MED13L: variants seen among roughly 807,000 people sequenced by gnomAD.
MED13L encodes the protein mediator of RNA polymerase II transcription subunit 13-like.
A neutral mutation model predicts 220.9 loss-of-function variants in MED13L; 7 were observed. That is an observed-to-expected ratio of 0.03 (90% CI 0.02 to 0.06). MED13L has a LOEUF of 0.06. MED13L is among the 10% of genes least tolerant of loss of function. The pLI, the probability that MED13L is intolerant of heterozygous loss-of-function variation, is 1.00. For missense variants in MED13L, 1,965 were observed against 2,760.5 expected, an observed-to-expected ratio of 0.71 and a Z score of 6.46; for synonymous variants, 1,011 against 1,015.2, an observed-to-expected ratio of 1.00 and a Z score of 0.08.
At chr12:116,231,690 A>G (rs1347178100) in intron 2 of MED13L, among the ~76,000 whole-genome samples, 2 of 152,300 alleles carry the variant, frequency 1.3e-5, no homozygotes, top group Non-Finnish European at 2.9e-5. Context: ...GAGCATGCCA[A>G]AAGTGCTCTG....
At chr12:116,087,629 G>A (rs888911460) in intron 4 of MED13L, among the ~76,000 whole-genome samples, 15 of 151,948 alleles carry the variant, frequency 9.9e-5, no homozygotes, top group East Asian at 5.8e-4. Flanking sequence ...TCCCTCAATC[G>A]CCTCCATTCC....
intron 2 of MED13L, among the ~76,000 whole-genome samples, chr12:116,232,735 T>C (rs958546654): frequency 6.6e-6 from 1 of 152,198 alleles, no homozygotes; most frequent in Non-Finnish European, 1.5e-5. Context: ...CCAGATTGCA[T>C]GTCTTTCCCA....
At chr12:116,091,573 T>C (rs1251902725) in intron 4 of MED13L, among the ~76,000 whole-genome samples, 1 of 152,240 alleles carries the variant, frequency 6.6e-6, no homozygotes, top group Non-Finnish European at 1.5e-5. Context: ...TATTAAGTGT[T>C]TGTCTGCTCC....
At chr12:116,173,039 A>G (rs1879794806) in intron 2 of MED13L, among the ~76,000 whole-genome samples, 1 of 151,920 alleles carries the variant, frequency 6.6e-6, no homozygotes, top group South Asian at 2.1e-4. Flanking sequence ...ACTGTGAAAT[A>G]ACAGATCAGA....
At chr12:116,136,344 C>A (rs957721548) in intron 2 of MED13L, among the ~76,000 whole-genome samples, 18 of 152,128 alleles carry the variant, frequency 1.2e-4, no homozygotes, top group African/African-American at 3.6e-4. Context: ...AAAATTAATG[C>A]TTATTTGTGC....
At chr12:116,247,691 A>G (rs1355026247) in intron 1 of MED13L, among the ~76,000 whole-genome samples, 1 of 152,074 alleles carries the variant, frequency 6.6e-6, no homozygotes, top group African/African-American at 2.4e-5. Context: ...ATGCTAACGT[A>G]TATATATATA....
chr12:116,243,689 G>A (rs913402819), intron 1 of MED13L, among the ~76,000 whole-genome samples: 4 of 151,908 alleles, frequency 2.6e-5, no homozygotes, highest in Admixed American at 2.6e-4. Flanking sequence ...CAGTGGTCAA[G>A]GAACACAGTA....
Position 116,277,171 on chromosome 12 carries a change from G to C in MED13L, c.-40C>G. ...CCGGCCGCCAGAGCGGGGCATGTCG[G>C]AGCGAGGCGTCCGAGGCGAGGCCGG... On this transcript the variant is annotated 5_prime_UTR_variant, in exon 1 of 31. Coordinates refer to ENST00000281928, the MANE Select transcript of MED13L (RefSeq NM_015335.5). 1.3e-6 allele frequency: 2 copies of C among 1,492,782 alleles called. No homozygotes were observed. The highest frequency in any genetic ancestry group is 1.8e-6 in the Non-Finnish European group (2 of 1,112,604). The allele number at this position is 1,492,782 out of a possible 1,614,324, so 92.5% of individuals were successfully genotyped here.
intron 9 of MED13L, 118 bp downstream of exon 9, chr12:116,012,679 T>C: frequency 1.2e-6 from 1 of 816,910 alleles, no homozygotes; most frequent in South Asian, 1.4e-5. Context: ...CTAATCTTTT[T>C]CTTCTCTACT....
At chr12:116,113,167 C>T (rs1246080411) in intron 2 of MED13L, among the ~76,000 whole-genome samples, 1 of 152,164 alleles carries the variant, frequency 6.6e-6, no homozygotes, top group East Asian at 1.9e-4. Flanking sequence ...AATCACTCTT[C>T]AACCCAGTCA....
chr12:116,162,356 G>C (rs1455542839), intron 2 of MED13L, among the ~76,000 whole-genome samples: 2 of 152,166 alleles, frequency 1.3e-5, no homozygotes, highest in East Asian at 3.8e-4. Context: ...ACCGATTCAT[G>C]AATCGAGAAT....
intron 4 of MED13L, among the ~76,000 whole-genome samples, chr12:116,078,739 C>G (rs1030618380): frequency 3.9e-5 from 6 of 152,142 alleles, no homozygotes; most frequent in African/African-American, 9.7e-5. Flanking sequence ...TTATCTGGTC[C>G]TTTACAATAA....
intron 4 of MED13L, among the ~76,000 whole-genome samples, chr12:116,040,115 G>A (rs185851294): frequency 2.1e-4 from 32 of 152,202 alleles, no homozygotes; most frequent in Admixed American, 4.6e-4. Flanking sequence ...CCCAACAATA[G>A]GTAAAGAGAA....
At chr12:116,080,480 T>C (rs1260751256) in intron 4 of MED13L, among the ~76,000 whole-genome samples, 1 of 152,178 alleles carries the variant, frequency 6.6e-6, no homozygotes, top group Non-Finnish European at 1.5e-5. Flanking sequence ...CCAAACCATG[T>C]ACCAAAGCAC....
At chr12:115,975,440 A>G in intron 24 of MED13L, 75 bp downstream of exon 24, 2 of 1,591,968 alleles carry the variant, frequency 1.3e-6, no homozygotes. Context: ...ATTTACATAG[A>G]AAACTGGAAA....
chr12:115,964,428 C>A lies in MED13L; in HGVS notation c.6388-909G>T, dbSNP rs967371538. On this transcript the variant is annotated intron_variant, in intron 29 of 30. Transcript: ENST00000281928. ...ATTCATCACTGGGTTCAGGTGATAC[C>A]AGGACACTACATCCATCATAAAGTT... Among the ~76,000 whole-genome samples, 5 of 152,294 alleles carry A rather than the reference C, an allele frequency of 3.3e-5. No individual in the cohort carries two copies. In the East Asian group the frequency reaches 7.7e-4, roughly 24 times the overall value.
At chr12:116,259,577 G>A (rs760316393) in intron 1 of MED13L, among the ~76,000 whole-genome samples, 7 of 152,182 alleles carry the variant, frequency 4.6e-5, no homozygotes, top group Admixed American at 1.3e-4. Context: ...ACAGGACTCC[G>A]TAAGTGGTGA....
At position 116,014,146 on chromosome 12, in the gene MED13L, T is replaced by C. The variant is rs574659103; in HGVS notation, c.1175+963A>G. ...TCTCTACTACATCTTCAATGGACTA[T>C]TCTAGAATCAATTCATTGGTCAATA... is the stretch of plus-strand genomic sequence containing the variant. On this transcript the variant is annotated intron_variant, in intron 8 of 30. Transcript: ENST00000281928. Among the ~76,000 whole-genome samples the C allele has an allele frequency of 2.6e-5, 4 of 152,336 alleles. No individual in the cohort carries two copies. In the South Asian group the frequency reaches 8.3e-4, roughly 32 times the overall value.
rs370535988 is a variant in MED13L at position 116,141,844 on chromosome 12, C to T, written c.311-30332G>A. On this transcript the variant is annotated intron_variant, in intron 2 of 30. Coordinates refer to ENST00000281928, the MANE Select transcript of MED13L (RefSeq NM_015335.5). ...GGGTCTGCTCAGAACCCTTCAATGG[C>T]TTCTCAACTCTGAGAAAGGTTCCAC... Among the ~76,000 whole-genome samples the T allele has an allele frequency of 2.2e-3, 331 of 152,230 alleles. 2 individuals carry two copies. Among genetic ancestry groups the T allele is most frequent in the Non-Finnish European group, 1.1e-3 (77 of 68,018 alleles).
Sources: allele counts gnomAD v4.1 joint callset (sites outside exome capture counted in the v4.1 genomes callset), GRCh38; gene constraint gnomAD v4.1.1; transcripts MANE v1.5; gene names NCBI Gene and HGNC (gene_info 2026-07-23, HGNC 2026-07-21).